Variants in SLC8A2 observed in about 807,000 individuals in gnomAD.
SLC8A2 encodes sodium/calcium exchanger 2.
In SLC8A2, 14 loss-of-function variants were observed where a neutral mutation model predicts 70.2. That is an observed-to-expected ratio of 0.20 (90% CI 0.13 to 0.31). SLC8A2 has a LOEUF of 0.31. Ranked by LOEUF, SLC8A2 falls within the 10% of genes least tolerant of loss-of-function variation. The pLI is 1.00. For missense variants in SLC8A2, 779 were observed against 1,320.1 expected, an observed-to-expected ratio of 0.59 and a Z score of 6.35; for synonymous variants, 575 against 594.3, an observed-to-expected ratio of 0.97 and a Z score of 0.47.
Position 47,447,761 on chromosome 19 carries a change from C to T in SLC8A2, c.1763+48G>A. ...CGCCCCTGAGCCACATCAGGCCTCG[C>T]CCATTCCGAAGCCCCGCCCCTCTCC... On this transcript the variant is annotated intron_variant, in intron 4 of 9. Coordinates refer to ENST00000236877, the MANE Select transcript of SLC8A2 (RefSeq NM_015063.3). This position sits in a 1 kb window ranked among gnomAD's most constrained non-coding sequence, Gnocchi z 5.1. 1 of 1,511,210 alleles carries T rather than the reference C, an allele frequency of 6.6e-7. No individual in the cohort carries two copies. Among genetic ancestry groups the T allele is most frequent in the Non-Finnish European group, 8.8e-7 (1 of 1,138,488 alleles). 93.6% of individuals were successfully genotyped at this position (1,511,210 alleles called of 1,614,324 possible). A position where few individuals can be genotyped will look rare whatever the true frequency, so the allele number is the denominator to read the frequency against.
chr19:47,442,368 A>G (rs1159528098), intron 4 of SLC8A2, among the ~76,000 whole-genome samples: 1 of 152,196 alleles, frequency 6.6e-6, no homozygotes, highest in East Asian at 1.9e-4. Context: ...AACATTTGCA[A>G]GGCTCCTATC....
Position 47,432,090 on chromosome 19 carries a change from C to T in SLC8A2, c.2389+77G>A. On this transcript the variant is annotated intron_variant, in intron 9 of 9. Transcript: ENST00000236877. This position sits in a 1 kb window ranked among gnomAD's most constrained non-coding sequence, Gnocchi z 6.2. ...GGGCGCTGTGTGACTCCACCCACCT[C>T]ATTTTGGCAGGATCCTGTGTTGCCC... 7.2e-7 allele frequency: 1 copy of T among 1,388,658 alleles called. No individual in the cohort carries two copies. Among genetic ancestry groups the T allele is most frequent in the Admixed American group, 2.2e-5 (1 of 45,760 alleles). The allele number at this position is 1,388,658 out of a possible 1,614,324, so 86.0% of individuals were successfully genotyped here. A position where few individuals can be genotyped will look rare whatever the true frequency, so the allele number is the denominator to read the frequency against.
At chr19:47,457,870 T>C (rs1415597891) in intron 2 of SLC8A2, among the ~76,000 whole-genome samples, 1 of 150,914 alleles carries the variant, frequency 6.6e-6, no homozygotes, top group African/African-American at 2.4e-5. Flanking sequence ...ACAGAGTCTT[T>C]CTCTGTAGCC....
At position 47,448,129 on chromosome 19, in the gene SLC8A2, C is replaced by T. The variant is rs1967192308; in HGVS notation, c.1443G>A (p.Arg481=). 6 of 1,612,470 alleles carry T rather than the reference C, an allele frequency of 3.7e-6. No individual in the cohort carries two copies. The highest frequency in any genetic ancestry group is 1.3e-5 in the African/African-American group (1 of 74,928). The change falls in exon 4 of 10, where the codon CGG becomes CGA. Residue 481 remains arginine (R), a synonymous_variant. Coordinates refer to ENST00000236877, the MANE Select transcript of SLC8A2 (RefSeq NM_015063.3). This position sits in a 1 kb window ranked among gnomAD's most constrained non-coding sequence, Gnocchi z 4.8. The part of the protein sequence containing the change: ...IFEEDEHFFV[R]LLNLRVGDAQ... ...CGTCGCCCACGCGCAGGTTCAGCAG[C>T]CGCACGAAGAAATGCTCGTCCTCCT... is the stretch of plus-strand genomic sequence containing the variant.
rs528770158 is a variant in SLC8A2 at position 47,448,741 on chromosome 19, G to T, written c.1341-510C>A. On this transcript the variant is annotated intron_variant, in intron 3 of 9. Coordinates refer to ENST00000236877, the MANE Select transcript of SLC8A2 (RefSeq NM_015063.3). This position sits in a 1 kb window ranked among gnomAD's most constrained non-coding sequence, Gnocchi z 4.8. ...ATCGCATTTCTAACGAGCTCCAGGG[G>T]ATGTCCTGGTCACATTTTAAGTGGC... 1.3e-5 allele frequency among the ~76,000 whole-genome samples: 2 copies of T among 152,298 alleles called. No homozygotes were observed. Among genetic ancestry groups the T allele is most frequent in the Middle Eastern group, 3.4e-3 (1 of 294 alleles).
intron 1 of SLC8A2, among the ~76,000 whole-genome samples, chr19:47,471,491 G>T (rs976764358): frequency 6.6e-6 from 1 of 150,470 alleles, no homozygotes; most frequent in African/African-American, 2.4e-5. Flanking sequence ...GGGGGCAGAG[G>T]TAGAGAGCGC....
intron 4 of SLC8A2, among the ~76,000 whole-genome samples, chr19:47,444,686 C>T (rs1222698664): frequency 1.3e-5 from 2 of 152,192 alleles, no homozygotes; most frequent in Admixed American, 6.5e-5. Context: ...GTGACAGGCA[C>T]GTCAACTGCG....
In SLC8A2 at chr19:47,429,945, G is replaced by T. The variant is rs546724552; in HGVS notation, c.*144C>A. ...GGGGACACAGAACAGGGCAATCAAA[G>T]CCAGGGGAGGGGGCGGAGAAGGGAG... On this transcript the variant is annotated 3_prime_UTR_variant, in exon 10 of 10. Transcript: ENST00000236877. 2.5e-6 allele frequency: 2 copies of T among 793,832 alleles called. No individual in the cohort carries two copies. The highest frequency in any genetic ancestry group is 2.0e-6 in the Non-Finnish European group (1 of 511,130). 49.2% of individuals were successfully genotyped at this position (793,832 alleles called of 1,614,324 possible).
rs149881406 is a variant in SLC8A2 at position 47,432,396 on chromosome 19, C to T, written c.2160G>A (p.Ser720=). ...EDGSREERLP[S]CFDYVMHFLT... The stretch of plus-strand genomic sequence containing the variant: ...GGAAGTGCATCACGTAGTCAAAGCA[C>T]GACGGCAGCCGCTCCTCCCGGGACC... Residue 720 remains serine (S), a synonymous_variant, in exon 9 of 10, where the codon TCG becomes TCA. Coordinates refer to ENST00000236877, the MANE Select transcript of SLC8A2 (RefSeq NM_015063.3). This position sits in a 1 kb window ranked among gnomAD's most constrained non-coding sequence, Gnocchi z 6.2. 9,094 of 1,611,294 alleles carry T rather than the reference C, an allele frequency of 5.6e-3. 44 individuals are homozygous for T. Among genetic ancestry groups the T allele is most frequent in the Middle Eastern group, 0.022 (135 of 6,054 alleles).
intron 8 of SLC8A2, among the ~76,000 whole-genome samples, chr19:47,436,122 T>C (rs1254513512): frequency 1.3e-5 from 2 of 152,192 alleles, no homozygotes; most frequent in Non-Finnish European, 2.9e-5. Flanking sequence ...TGTGCTTGGC[T>C]CTCCCTCTGC....
chr19:47,444,041 G>T (rs1455623476), intron 4 of SLC8A2, among the ~76,000 whole-genome samples: 1 of 151,826 alleles, frequency 6.6e-6, no homozygotes, highest in Admixed American at 6.6e-5. Flanking sequence ...AAATATAAGC[G>T]TGTGCCACCA....
intron 4 of SLC8A2, among the ~76,000 whole-genome samples, chr19:47,442,200 T>A (rs1472991745): frequency 6.6e-6 from 1 of 152,156 alleles, no homozygotes. Context: ...TGTTAACCCC[T>A]GCACTCCAGC....
chr19:47,438,705 A>T (rs752862717), intron 6 of SLC8A2, among the ~76,000 whole-genome samples: 2 of 151,824 alleles, frequency 1.3e-5, no homozygotes, highest in Non-Finnish European at 2.9e-5. Context: ...CCAAACCCCA[A>T]CCCTCAGCCC....
In SLC8A2 at chr19:47,468,273, G is replaced by C. The variant is rs1967489283; in HGVS notation, c.-16-1854C>G. Among the ~76,000 whole-genome samples, 1 of 152,016 alleles carries C rather than the reference G, an allele frequency of 6.6e-6. No homozygotes were observed. Among genetic ancestry groups the C allele is most frequent in the Non-Finnish European group, 1.5e-5 (1 of 68,006 alleles). Reference sequence around the variant, plus strand: ...CTGCCTTGGAGCCCTGGCACCTGCTGTTCCCCCTTCCTCGAACACGCTTCT... The same window carrying C: ...CTGCCTTGGAGCCCTGGCACCTGCTCTTCCCCCTTCCTCGAACACGCTTCT... On this transcript the variant is annotated intron_variant, in intron 1 of 9. Coordinates refer to ENST00000236877, the MANE Select transcript of SLC8A2 (RefSeq NM_015063.3). The surrounding 1 kb of genome is among the most constrained non-coding windows in gnomAD (Gnocchi z 5.1).
At chr19:47,463,473 T>G (rs1035018850) in intron 2 of SLC8A2, among the ~76,000 whole-genome samples, 1 of 147,488 alleles carries the variant, frequency 6.8e-6, no homozygotes, top group African/African-American at 2.5e-5. Flanking sequence ...GGCTCACGCC[T>G]GTAATCCCAG....
Position 47,457,185 on chromosome 19 carries a change from G to C in SLC8A2, c.1085C>G (p.Thr362Ser). The C allele has an allele frequency of 6.5e-7, 1 of 1,544,920 alleles. No individual in the cohort carries two copies. The highest frequency in any genetic ancestry group is 8.7e-7 in the Non-Finnish European group (1 of 1,145,204). ...TCTGCGCAGCACGTTCCCGGCGCCG[G>C]TCATCAGCCGCGTGGCCTGGATGCG... The part of the protein sequence containing the change: ...FYRIQATRLM[T>S]GAGNVLRRHA... The change falls in exon 3 of 10, where the codon ACC (threonine) becomes AGC (serine). Residue 362 changes from threonine (T) to serine (S), a missense_variant. By Grantham distance (58) the Thr-to-Ser change is moderately conservative (BLOSUM62 1). This residue lies in a region of SLC8A2 where 186 missense variants were observed against 246.6 expected (regional missense o/e 0.75). Transcript: ENST00000236877.
At chr19:47,443,697 C>A (rs1227867606) in intron 4 of SLC8A2, among the ~76,000 whole-genome samples, 1 of 152,196 alleles carries the variant, frequency 6.6e-6, no homozygotes, top group Non-Finnish European at 1.5e-5. Context: ...CTCCTGACGC[C>A]TCTTGGTGTC....
chr19:47,443,974 C>T (rs571612503), intron 4 of SLC8A2, among the ~76,000 whole-genome samples: 1 of 152,268 alleles, frequency 6.6e-6, no homozygotes, highest in African/African-American at 2.4e-5. Flanking sequence ...TGGCTCACTG[C>T]AGCCTTGATC....
chr19:47,436,360 G>A (rs1203618777), intron 8 of SLC8A2, among the ~76,000 whole-genome samples: 2 of 152,198 alleles, frequency 1.3e-5, no homozygotes, highest in African/African-American at 4.8e-5. Flanking sequence ...CTCCATGACA[G>A]GGCCAGAAAT....
Sources: gnomAD v4.1 joint callset for allele counts (sites outside exome capture counted in the v4.1 genomes callset) on GRCh38, gnomAD v4.1.1 for gene constraint, gnomAD v4.1.1 regional missense constraint, Gnocchi (gnomAD v3.1) non-coding constraint, MANE v1.5 for transcripts, NCBI Gene and HGNC (gene_info 2026-07-23, HGNC 2026-07-21) for gene names.